Variants in ACOXL observed in about 807,000 individuals in gnomAD.
ACOXL encodes acyl-coenzyme A oxidase-like protein.
Under a neutral mutation model 71.9 loss-of-function variants are expected in ACOXL, and 70 were observed. The observed-to-expected ratio is 0.97, with a 90% CI of 0.80 to 1.19. The LOEUF is 1.19. Ranked by LOEUF, ACOXL falls within the 50% of genes most tolerant of loss-of-function variation. The pLI is 0.00. For missense variants in ACOXL, 703 were observed against 736.3 expected (o/e 0.95, Z 0.52); for synonymous variants, 253 against 281.6 (o/e 0.90, Z 1.02).
At chr2:111,099,729 T>C (rs1388266941) in intron 17 of ACOXL, 2 of 152,236 alleles carry the variant, frequency 1.3e-5, no homozygotes, top group Non-Finnish European at 2.9e-5. Context: ...ATTATCCTGT[T>C]TCAGTCTTCA....
chr2:110,778,954 A>G (rs79714136), intron 2 of ACOXL, among the ~76,000 whole-genome samples: 2 of 152,242 alleles, frequency 1.3e-5, no homozygotes, highest in African/African-American at 2.4e-5. Context: ...GTTCATTATT[A>G]CCTGCCACCA....
At chr2:110,862,215 G>C (rs1479417873) in intron 10 of ACOXL, among the ~76,000 whole-genome samples, 1 of 152,134 alleles carries the variant, frequency 6.6e-6, no homozygotes, top group African/African-American at 2.4e-5. Context: ...ATGCGACATT[G>C]GGAAAGCTGG....
At chr2:110,749,071 C>A (rs2104779248) in intron 1 of ACOXL, among the ~76,000 whole-genome samples, 1 of 152,280 alleles carries the variant, frequency 6.6e-6, no homozygotes, top group Non-Finnish European at 1.5e-5. Flanking sequence ...TACCTGGAAT[C>A]ATTCTGTGGT....
At chr2:111,114,840 G>A (rs2070235515) in intron 17 of ACOXL, among the ~76,000 whole-genome samples, 1 of 151,608 alleles carries the variant, frequency 6.6e-6, no homozygotes, top group Non-Finnish European at 1.5e-5. Context: ...AGATGGAGGT[G>A]GGAAGCCAAA....
At chr2:111,116,994 A>G (rs916291313) in intron 17 of ACOXL, among the ~76,000 whole-genome samples, 1 of 152,234 alleles carries the variant, frequency 6.6e-6, no homozygotes, top group Non-Finnish European at 1.5e-5. Flanking sequence ...ATTGGCGTTA[A>G]CAGCAGATGG....
intron 2 of ACOXL, among the ~76,000 whole-genome samples, chr2:110,781,782 G>T (rs1038538781): frequency 7.9e-5 from 12 of 152,176 alleles, no homozygotes; most frequent in African/African-American, 2.9e-4. Flanking sequence ...GGCCGTGTGG[G>T]TTAACATCAG....
intron 16 of ACOXL, among the ~76,000 whole-genome samples, chr2:111,090,104 G>C (rs2068439083): frequency 6.6e-6 from 1 of 152,134 alleles, no homozygotes; most frequent in Non-Finnish European, 1.5e-5. Flanking sequence ...GGTTCCTTAG[G>C]TAGCAGAAGT....
chr2:110,948,053 A>G (rs902890637), intron 12 of ACOXL, among the ~76,000 whole-genome samples: 1 of 152,222 alleles, frequency 6.6e-6, no homozygotes, highest in Non-Finnish European at 1.5e-5. Context: ...CTCTGCCCCC[A>G]GCTGCCCTGT....
intron 16 of ACOXL, among the ~76,000 whole-genome samples, chr2:111,065,509 T>A (rs1263779527): frequency 6.6e-6 from 1 of 152,178 alleles, no homozygotes; most frequent in African/African-American, 2.4e-5. Context: ...AAGGAAAAAC[T>A]GATAAACAGG....
At chr2:110,820,911 A>G (rs909308797) in intron 9 of ACOXL, among the ~76,000 whole-genome samples, 1 of 151,980 alleles carries the variant, frequency 6.6e-6, no homozygotes, top group African/African-American at 2.4e-5. Context: ...AGGGAGGGAG[A>G]CTGGGATTGG....
chr2:110,871,692 C>G (rs1276600584), intron 10 of ACOXL, among the ~76,000 whole-genome samples: 2 of 152,128 alleles, frequency 1.3e-5, no homozygotes, highest in Non-Finnish European at 2.9e-5. Context: ...CTCTGCCTCC[C>G]CGGGAACCAG....
rs75513551 is a variant in ACOXL, at chr2:110,849,121, A to G, written c.788+7716A>G. On this transcript the variant is annotated intron_variant, in intron 10 of 17. Coordinates refer to ENST00000439055, the MANE Select transcript of ACOXL (RefSeq NM_001142807.4). ...ATGCTCTTTTCTGTTGTTGGGTCTC[A>G]GGGCAGCTTCTCAGGTCAGAGCCTA... 3.8e-3 allele frequency among the ~76,000 whole-genome samples: 579 copies of G among 152,300 alleles called. 5 individuals carry two copies. The highest frequency in any genetic ancestry group is 0.013 in the African/African-American group (547 of 41,564).
intron 9 of ACOXL, among the ~76,000 whole-genome samples, chr2:110,826,061 T>A (rs1689129373): frequency 6.6e-6 from 1 of 152,196 alleles, no homozygotes; most frequent in Admixed American, 6.5e-5. Context: ...CCCATCAAAT[T>A]TCAGTGGCTT....
At chr2:111,114,666 C>G (rs1053793683) in intron 17 of ACOXL, among the ~76,000 whole-genome samples, 1 of 152,058 alleles carries the variant, frequency 6.6e-6, no homozygotes, top group Non-Finnish European at 1.5e-5. Flanking sequence ...CCCTGAACAT[C>G]TATTATAGGA....
rs528114619 is a variant in ACOXL at position 110,941,068 on chromosome 2, C to A, written c.1059+7426C>A. ...AAAGAAAAATTGTCCACAATATGAT[C>A]GTTAAATGAACGATACTGGTTGGAA... On this transcript the variant is annotated intron_variant, in intron 12 of 17. Coordinates refer to ENST00000439055, the MANE Select transcript of ACOXL (RefSeq NM_001142807.4). Among the ~76,000 whole-genome samples, 7 of 152,266 alleles carry A rather than the reference C, an allele frequency of 4.6e-5. No individual in the cohort carries two copies. The South Asian group carries it at 1.5e-3, about 32-fold the overall frequency.
chr2:110,793,931 C>A (rs1684972095), intron 4 of ACOXL, 145 bp from the exon 5 acceptor site: 2 of 839,736 alleles, frequency 2.4e-6, no homozygotes, highest in African/African-American at 3.4e-5. Context: ...GTTAAGCTCA[C>A]ATTCGCTGTC....
At chr2:110,785,012 C>A (rs1446459797) in intron 3 of ACOXL, among the ~76,000 whole-genome samples, 197 bp downstream of exon 3, 2 of 152,156 alleles carry the variant, frequency 1.3e-5, no homozygotes, top group African/African-American at 4.8e-5. Context: ...ATTTGCTTTT[C>A]TTCTTTGTAT....
intron 1 of ACOXL, among the ~76,000 whole-genome samples, chr2:110,736,811 G>A (rs1016696645): frequency 7.9e-5 from 12 of 152,040 alleles, no homozygotes; most frequent in African/African-American, 2.4e-5. Flanking sequence ...TAGTAGAGAC[G>A]GGGTTTCATC....
intron 10 of ACOXL, among the ~76,000 whole-genome samples, chr2:110,882,487 TA>T (rs778453581): frequency 5.1e-4 from 78 of 152,304 alleles, no homozygotes; most frequent in Non-Finnish European, 1.0e-3. Flanking sequence ...CCCAACATAT[TA>T]TTTTTTTTCT....
Sources: allele counts gnomAD v4.1 joint callset (sites outside exome capture counted in the v4.1 genomes callset), GRCh38; gene constraint gnomAD v4.1.1; transcripts MANE v1.5; gene names NCBI Gene and HGNC (gene_info 2026-07-23, HGNC 2026-07-21).